ZFP64: variants seen among roughly 807,000 people sequenced by gnomAD.
The protein encoded by ZFP64 is zinc finger protein 64.
A neutral mutation model predicts 51.6 loss-of-function variants in ZFP64; 14 were observed. The observed-to-expected ratio is 0.27, with a 90% CI of 0.18 to 0.42. The LOEUF (loss-of-function observed/expected upper bound fraction) is 0.42, where lower values mean the gene tolerates loss of function less well. Ranked by LOEUF, ZFP64 falls within the 10% of genes least tolerant of loss-of-function variation. ZFP64 has a pLI of 1.00. For synonymous variants in ZFP64, 375 were observed against 361.4 expected, an observed-to-expected ratio of 1.04 and a Z score of -0.43; for missense variants, 754 against 906.8, an observed-to-expected ratio of 0.83 and a Z score of 2.16.
intron 2 of ZFP64, among the ~76,000 whole-genome samples, chr20:52,184,961 G>A (rs6126496): frequency 6.6e-6 from 1 of 152,046 alleles, no homozygotes; most frequent in Non-Finnish European, 1.5e-5. Flanking sequence ...TACATACAAA[G>A]GCTCCACTTT....
At chr20:52,106,044 G>A (rs993274599) in intron 5 of ZFP64, among the ~76,000 whole-genome samples, 1 of 152,172 alleles carries the variant, frequency 6.6e-6, no homozygotes. Context: ...TCAGGTGGCC[G>A]AGGCCAGAAA....
At chr20:52,094,778 G>A (rs6096748) in intron 7 of ZFP64, among the ~76,000 whole-genome samples, 63,969 of 151,914 alleles carry the variant, frequency 0.42, 15,315 homozygotes, top group African/African-American at 0.66. Context: ...AAAGGAAAAT[G>A]CAATACATTT....
chr20:52,155,685 G>A (rs1255009395), intron 5 of ZFP64, among the ~76,000 whole-genome samples: 2 of 151,482 alleles, frequency 1.3e-5, no homozygotes, highest in Non-Finnish European at 2.9e-5. Flanking sequence ...CTTTAATGAA[G>A]TATCCTGGTC....
intron 5 of ZFP64, among the ~76,000 whole-genome samples, chr20:52,129,388 A>G (rs1390579921): frequency 1.3e-5 from 2 of 150,996 alleles, no homozygotes; most frequent in Non-Finnish European, 2.9e-5. Context: ...TTAACTCCTG[A>G]GCTCAGGCAG....
intron 7 of ZFP64, chr20:52,088,765 G>C (rs1045819135): frequency 7.3e-6 from 9 of 1,238,392 alleles, no homozygotes; most frequent in East Asian, 4.6e-5. Context: ...TACTGAGAGA[G>C]AAAGATACTG....
At chr20:52,159,615 C>T (rs1333529518) in intron 5 of ZFP64, among the ~76,000 whole-genome samples, 1 of 152,214 alleles carries the variant, frequency 6.6e-6, no homozygotes, top group Non-Finnish European at 1.5e-5. Context: ...CTTTGGGAGG[C>T]TGAGGTGGGC....
chr20:52,164,756 A>G lies in ZFP64; in HGVS notation c.450T>C (p.Gly150=), dbSNP rs1982106692. The change falls in exon 4 of 6, where the codon GGT becomes GGC. Residue 150 remains glycine (G), a splice_region_variant and synonymous_variant. Transcript: ENST00000216923. ...AQKRLNCCYP[G]CQFKTAYGMK... ...TGCCATAAGCAGTCTTGAATTGGCA[A>G]CCTAAAAAAAAAAAGGAAAGATTAA... 2 of 1,593,906 alleles carry G rather than the reference A, an allele frequency of 1.3e-6. No homozygotes were observed. The highest frequency in any genetic ancestry group is 1.1e-5 in the South Asian group (1 of 90,540).
intron 5 of ZFP64, among the ~76,000 whole-genome samples, chr20:52,139,458 C>T (rs995242591): frequency 2.0e-5 from 3 of 152,024 alleles, no homozygotes; most frequent in Non-Finnish European, 4.4e-5. Flanking sequence ...ATTGAGTACC[C>T]GTGGACACAA....
intron 7 of ZFP64, among the ~76,000 whole-genome samples, chr20:52,092,534 A>G (rs1338282279): frequency 6.6e-6 from 1 of 152,198 alleles, no homozygotes; most frequent in Non-Finnish European, 1.5e-5. Flanking sequence ...GGAAGATGTA[A>G]AACTGCGAAG....
chr20:52,133,712 C>G (rs1188815260), intron 5 of ZFP64, among the ~76,000 whole-genome samples: 1 of 152,146 alleles, frequency 6.6e-6, no homozygotes, highest in African/African-American at 2.4e-5. Context: ...TCCACTGTGC[C>G]TTGGGTAGTG....
At chr20:52,149,569 C>A (rs1568677320), downstream of ZFP64, among the ~76,000 whole-genome samples, 1 of 152,158 alleles carries the variant, frequency 6.6e-6, no homozygotes. Flanking sequence ...GGTAAGAACA[C>A]AGAGCACCTA....
Position 52,085,355 on chromosome 20 carries a change from A to T in ZFP64, c.1229-89T>A. On this transcript the variant is annotated intron_variant, in intron 8 of 8. Transcript: ENST00000361387. The surrounding 1 kb of genome is among the most constrained non-coding windows in gnomAD (Gnocchi z 4.3). Reference sequence around the variant, plus strand: ...TGCCTTAGCACACTTGGCCGCCATGAGATGGTTGGGTTTTGTGAACTCTAA... The same window carrying T: ...TGCCTTAGCACACTTGGCCGCCATGTGATGGTTGGGTTTTGTGAACTCTAA... The T allele has an allele frequency of 7.2e-7, 1 of 1,394,446 alleles. No individual in the cohort carries two copies. Among genetic ancestry groups the T allele is most frequent in the Non-Finnish European group, 9.6e-7 (1 of 1,039,970 alleles). The allele number at this position is 1,394,446 out of a possible 1,614,324, so 86.4% of individuals were successfully genotyped here. A position where few individuals can be genotyped will look rare whatever the true frequency, so the allele number is the denominator to read the frequency against.
In ZFP64 at chr20:52,153,009, C is replaced by T. The variant is rs1410939873; in HGVS notation, c.1183G>A (p.Gly395Arg). The T allele has an allele frequency of 6.2e-7, 1 of 1,614,004 alleles. No homozygotes were observed. The highest frequency in any genetic ancestry group is 8.5e-7 in the Non-Finnish European group (1 of 1,180,038). The part of the protein sequence containing the change: ...NLSKHMKKFH[G>R]DMVKTEALER... The stretch of plus-strand genomic sequence containing the variant: ...AGAGCCTCAGTCTTAACCATGTCCC[C>T]ATGGAACTTCTTCATGTGCTTGCTC... Residue 395 changes from glycine (G) to arginine (R), a missense_variant, in exon 6 of 6, where the codon GGG (glycine) becomes AGG (arginine). This residue lies in a region of ZFP64 where 428 missense variants were observed against 472.4 expected (regional missense o/e 0.91). Coordinates refer to ENST00000216923, the MANE Select transcript of ZFP64 (RefSeq NM_018197.3). This position sits in a 1 kb window ranked among gnomAD's most constrained non-coding sequence, Gnocchi z 5.1.
At chr20:52,126,220 A>G (rs1979439823) in intron 5 of ZFP64, among the ~76,000 whole-genome samples, 1 of 152,132 alleles carries the variant, frequency 6.6e-6, no homozygotes, top group African/African-American at 2.4e-5. Flanking sequence ...TGTTTTATTT[A>G]ATTCTTCCCT....
chr20:52,182,842 A>T lies in ZFP64; in HGVS notation c.286+3990T>A, dbSNP rs115014504. 3.2e-3 allele frequency among the ~76,000 whole-genome samples: 490 copies of T among 152,330 alleles called. 3 individuals carry two copies. The highest frequency in any genetic ancestry group is 0.011 in the African/African-American group (475 of 41,588). On this transcript the variant is annotated intron_variant, in intron 2 of 5. Transcript: ENST00000216923. Reference sequence around the variant, plus strand: ...GAGCAGTGTTCACACCCAAGAAATAATAAGTGCCTTGGTGCTGGGATCCAG... The same window carrying T: ...GAGCAGTGTTCACACCCAAGAAATATTAAGTGCCTTGGTGCTGGGATCCAG...
intron 5 of ZFP64, among the ~76,000 whole-genome samples, chr20:52,135,929 C>T (rs1165809911): frequency 1.3e-5 from 2 of 151,216 alleles, no homozygotes; most frequent in African/African-American, 2.4e-5. Context: ...TGAAACCCTG[C>T]CTTGACTAAA....
At chr20:52,088,141 G>A (rs2078883618) in intron 8 of ZFP64, 1 of 559,390 alleles carries the variant, frequency 1.8e-6, no homozygotes, top group South Asian at 2.2e-5. Context: ...CTTCTTGGCA[G>A]TTATAGTGGG....
At chr20:52,109,451 C>T (rs187791804) in intron 5 of ZFP64, among the ~76,000 whole-genome samples, 72 of 152,046 alleles carry the variant, frequency 4.7e-4, no homozygotes, top group Middle Eastern at 3.4e-3. Flanking sequence ...TGTGAGCCAC[C>T]GTGCCTGGCC....
At chr20:52,176,847 T>C (rs1237537672) in intron 2 of ZFP64, among the ~76,000 whole-genome samples, 1 of 152,234 alleles carries the variant, frequency 6.6e-6, no homozygotes, top group Non-Finnish European at 1.5e-5. Context: ...CGTGCCTGCC[T>C]ATAATTCTCC....
Sources: gnomAD v4.1 joint callset for allele counts (sites outside exome capture counted in the v4.1 genomes callset) on GRCh38, gnomAD v4.1.1 for gene constraint, gnomAD v4.1.1 regional missense constraint, Gnocchi (gnomAD v3.1) non-coding constraint, MANE v1.5 for transcripts, NCBI Gene and HGNC (gene_info 2026-07-23, HGNC 2026-07-21) for gene names.